Variants in TENM1 observed in about 807,000 individuals in gnomAD.
TENM1 encodes the protein teneurin transmembrane protein 1.
Under a neutral mutation model 174.8 loss-of-function variants are expected in TENM1, and 35 were observed. The observed-to-expected ratio is 0.20, with a 90% CI of 0.15 to 0.27. The LOEUF is 0.27. Ranked by LOEUF, TENM1 falls within the 10% of genes least tolerant of loss-of-function variation. TENM1 has a pLI of 1.00. For missense variants in TENM1, 1,633 were observed against 2,130.1 expected, an observed-to-expected ratio of 0.77 and a Z score of 4.59; for synonymous variants, 781 against 798.7, an observed-to-expected ratio of 0.98 and a Z score of 0.37.
intron 14 of TENM1, among the ~76,000 whole-genome samples, chrX:124,552,302 A>C (rs186487182): frequency 4.5e-4 from 50 of 111,986 alleles, no homozygotes; most frequent in African/African-American, 1.4e-3. Context: ...TCTTTACTAA[A>C]GCAGGCCTCC....
chrX:125,093,082 T>C, the TENM1 span, among the ~76,000 whole-genome samples: 2 of 112,122 alleles, frequency 1.8e-5, no homozygotes, highest in South Asian at 3.7e-4. Flanking sequence ...GGCACTTCTC[T>C]ACAGAACTAA....
At chrX:124,959,270 G>C (rs1165791960) in intron 1 of TENM1, among the ~76,000 whole-genome samples, 1 of 111,666 alleles carries the variant, frequency 9.0e-6, no homozygotes, top group African/African-American at 3.3e-5. Flanking sequence ...CTCCTTCAAA[G>C]GGGTACATAT....
At chrX:124,435,743 C>T (rs188838224) in intron 23 of TENM1, among the ~76,000 whole-genome samples, 439 of 111,512 alleles carry the variant, frequency 3.9e-3, no homozygotes, top group African/African-American at 0.013. Flanking sequence ...AGTGTGCTTC[C>T]GGGTTTTGCC....
the TENM1 span, among the ~76,000 whole-genome samples, chrX:125,075,178 T>C: frequency 9.0e-6 from 1 of 111,551 alleles, no homozygotes; most frequent in Non-Finnish European, 1.9e-5. Flanking sequence ...ATCTATTTTC[T>C]ATCTCTATAG....
chrX:124,916,246 T>C (rs2057921705), intron 1 of TENM1, among the ~76,000 whole-genome samples: 1 of 112,091 alleles, frequency 8.9e-6, no homozygotes, highest in African/African-American at 3.2e-5. Flanking sequence ...TGATCCAGTC[T>C]GGGCCAATCA....
intron 1 of TENM1, among the ~76,000 whole-genome samples, chrX:124,917,400 G>C (rs992914008): frequency 7.2e-5 from 8 of 111,774 alleles, no homozygotes; most frequent in Non-Finnish European, 1.5e-4. Flanking sequence ...ACAAATATCA[G>C]AAGTGGTGGC....
the TENM1 span, among the ~76,000 whole-genome samples, chrX:125,120,419 A>G: frequency 1.8e-5 from 2 of 110,888 alleles, no homozygotes; most frequent in African/African-American, 6.6e-5. Context: ...CCCGTCAGCT[A>G]GGTATTAAGC....
At chrX:124,986,341 T>G in the TENM1 span, among the ~76,000 whole-genome samples, 1 of 111,146 alleles carries the variant, frequency 9.0e-6, no homozygotes, top group African/African-American at 3.3e-5. Flanking sequence ...ACAATTAAAC[T>G]GTATGCTGAG....
intron 25 of TENM1, among the ~76,000 whole-genome samples, chrX:124,416,049 T>G (rs1471302516): frequency 8.9e-6 from 1 of 111,748 alleles, no homozygotes; most frequent in Non-Finnish European, 1.9e-5. Context: ...AGTTCTTTAC[T>G]CACTGTCTCA....
chrX:125,181,844 T>C, the TENM1 span, among the ~76,000 whole-genome samples: 28 of 111,551 alleles, frequency 2.5e-4, no homozygotes, highest in African/African-American at 9.1e-4. Context: ...AAATGGTCAC[T>C]AGGTAAATAA....
At chrX:125,012,871 G>A in the TENM1 span, among the ~76,000 whole-genome samples, 2 of 112,030 alleles carry the variant, frequency 1.8e-5, no homozygotes, top group South Asian at 7.3e-4. Flanking sequence ...CTAGTCGGTT[G>A]AGTAACAGGG....
intron 1 of TENM1, among the ~76,000 whole-genome samples, chrX:124,932,961 G>A (rs763969663): frequency 9.0e-6 from 1 of 111,653 alleles, no homozygotes; most frequent in African/African-American, 3.3e-5. Flanking sequence ...ATCAGTACTG[G>A]AATAAAAAAT....
At chrX:125,183,550 C>T in the TENM1 span, among the ~76,000 whole-genome samples, 1 of 111,618 alleles carries the variant, frequency 9.0e-6, no homozygotes, top group Non-Finnish European at 1.9e-5. Flanking sequence ...GATGCTTGAC[C>T]TCGAACGACC....
intron 5 of TENM1, among the ~76,000 whole-genome samples, chrX:124,675,801 A>G (rs7051135): frequency 0.25 from 26,900 of 109,404 alleles, 3,989 homozygotes; most frequent in African/African-American, 0.56. Flanking sequence ...TTGGGTAGTT[A>G]TAAGTGCTAT....
At chrX:124,494,758 C>T (rs993904440) in intron 20 of TENM1, among the ~76,000 whole-genome samples, 5 of 107,839 alleles carry the variant, frequency 4.6e-5, no homozygotes, top group South Asian at 8.4e-4. Flanking sequence ...TGAGAATATG[C>T]GGTGTTTGGT....
the TENM1 span, among the ~76,000 whole-genome samples, chrX:125,035,809 A>G: frequency 5.4e-5 from 6 of 111,010 alleles, no homozygotes; most frequent in Non-Finnish European, 1.1e-4. Context: ...TGCTAGAGTG[A>G]TATTTGAGGC....
intron 5 of TENM1, among the ~76,000 whole-genome samples, chrX:124,694,500 CATTTGA>C (rs1273472082): frequency 9.0e-6 from 1 of 111,644 alleles, no homozygotes; most frequent in Non-Finnish European, 1.9e-5. Flanking sequence ...TTCCCTTCTG[CATTTGA>C]ATTTCTTTTT....
At chrX:124,528,579 G>A (rs759680355) in intron 16 of TENM1, among the ~76,000 whole-genome samples, 2 of 110,273 alleles carry the variant, frequency 1.8e-5, no homozygotes, top group South Asian at 4.0e-4. Context: ...CCAAAATTCC[G>A]TTATTCAATC....
At chrX:125,144,189 T>C in the TENM1 span, among the ~76,000 whole-genome samples, 3 of 111,570 alleles carry the variant, frequency 2.7e-5, no homozygotes, top group Admixed American at 2.9e-4. Context: ...TATGCCTCTC[T>C]TACACATTAA....
Sources: gnomAD v4.1 joint callset for allele counts (sites outside exome capture counted in the v4.1 genomes callset) on GRCh38, gnomAD v4.1.1 for gene constraint, MANE v1.5 for transcripts, NCBI Gene and HGNC (gene_info 2026-07-23, HGNC 2026-07-21) for gene names.